VIT: variants seen among roughly 807,000 people sequenced by gnomAD.
The protein encoded by VIT is vitrin.
Under a neutral mutation model 78.0 loss-of-function variants are expected in VIT, and 99 were observed. The ratio of observed to expected loss-of-function variants is 1.27; its 90% CI spans 1.08 to 1.50. The LOEUF is 1.50. Ranked by LOEUF, VIT falls within the 40% of genes most tolerant of loss-of-function variation. The probability of loss-of-function intolerance (pLI) is 0.00; values close to 1 mark genes in which losing one functional copy is unlikely to be tolerated. For missense variants in VIT, 1,126 were observed against 875.3 expected, an observed-to-expected ratio of 1.29 and a Z score of -3.61; for synonymous variants, 374 against 334.3, an observed-to-expected ratio of 1.12 and a Z score of -1.29.
chr2:36,740,182 C>A (rs944201643), intron 3 of VIT, among the ~76,000 whole-genome samples: 1 of 152,074 alleles, frequency 6.6e-6, no homozygotes, highest in Non-Finnish European at 1.5e-5. Context: ...CCTTAACAAC[C>A]AAAGAAAGAG....
At chr2:36,781,659 T>G (rs1664764866) in intron 9 of VIT, 68 bp from the exon 10 acceptor site, 3 of 1,563,742 alleles carry the variant, frequency 1.9e-6, no homozygotes, top group African/African-American at 1.4e-5. Flanking sequence ...ATCCCGGCAA[T>G]TCACTCAAGA....
At chr2:36,708,383 T>A (rs143233985) in intron 1 of VIT, among the ~76,000 whole-genome samples, 1 of 152,334 alleles carries the variant, frequency 6.6e-6, no homozygotes, top group African/African-American at 2.4e-5. Flanking sequence ...TGCTCCCCGA[T>A]GTAGCATTGT....
chr2:36,700,570 TG>T (rs1369332882), intron 1 of VIT, among the ~76,000 whole-genome samples: 2 of 151,974 alleles, frequency 1.3e-5, no homozygotes, highest in Admixed American at 6.6e-5. Flanking sequence ...AGTGAGACCT[TG>T]TCCCTACTAA....
chr2:36,792,265 C>T (rs1034310813), intron 12 of VIT, among the ~76,000 whole-genome samples: 13 of 152,202 alleles, frequency 8.5e-5, no homozygotes, highest in African/African-American at 2.9e-4. Context: ...CACCATGCCA[C>T]TTCTCTCCTC....
chr2:36,698,972 G>T (rs6759391), intron 1 of VIT, among the ~76,000 whole-genome samples: 124,159 of 150,936 alleles, frequency 0.82, 51,930 homozygotes, highest in Middle Eastern at 0.94. Flanking sequence ...GAAAAGAAAA[G>T]AAATGTAATC....
At chr2:36,732,417 GA>G (rs1206226064) in intron 3 of VIT, among the ~76,000 whole-genome samples, 5 of 152,020 alleles carry the variant, frequency 3.3e-5, no homozygotes. Flanking sequence ...ATTAAATAGG[GA>G]AAAAAAGATA....
At chr2:36,724,384 G>C (rs527833643) in intron 2 of VIT, among the ~76,000 whole-genome samples, 3 of 152,284 alleles carry the variant, frequency 2.0e-5, no homozygotes, top group East Asian at 3.9e-4. Flanking sequence ...CTGGCTCTCA[G>C]ACCTGTCTGC....
intron 6 of VIT, among the ~76,000 whole-genome samples, chr2:36,760,187 G>T (rs1669025398): frequency 6.6e-6 from 1 of 151,886 alleles, no homozygotes; most frequent in Non-Finnish European, 1.5e-5. Flanking sequence ...TAGAGACGGG[G>T]TTTCACCATG....
chr2:36,731,379 T>G (rs889296398), intron 3 of VIT, among the ~76,000 whole-genome samples: 39 of 152,218 alleles, frequency 2.6e-4, no homozygotes, highest in African/African-American at 9.1e-4. Context: ...GTTCAAGTGA[T>G]TCTTCTGCCT....
At chr2:36,723,915 C>T (rs1027003281) in intron 2 of VIT, among the ~76,000 whole-genome samples, 10 of 132,840 alleles carry the variant, frequency 7.5e-5, no homozygotes, top group Non-Finnish European at 7.7e-5. Flanking sequence ...CATACCACTG[C>T]ATTCTAGCCT....
intron 3 of VIT, among the ~76,000 whole-genome samples, chr2:36,738,178 A>G (rs982472380): frequency 1.3e-5 from 2 of 152,184 alleles, no homozygotes; most frequent in East Asian, 3.9e-4. Flanking sequence ...GTTGTCAGCA[A>G]TCTTCAAGTT....
rs1294544946 is a variant in VIT, at chr2:36,755,006, G to A, written c.361G>A (p.Val121Ile). 1.9e-6 allele frequency: 3 copies of A among 1,614,060 alleles called. No homozygotes were observed. The highest frequency in any genetic ancestry group is 1.3e-5 in the African/African-American group (1 of 74,924). Residue 121 changes from valine to isoleucine, a missense_variant, in exon 5 of 16, where the codon GTC (valine) becomes ATC (isoleucine). Coordinates refer to ENST00000379242, the MANE Select transcript of VIT (RefSeq NM_053276.4). ...SGYKGSYSNG[V>I]QSLSLPRWRE... is the part of the protein sequence containing the mutation. Reference sequence around the variant, plus strand: ...TTACAAAGGGAGTTATTCCAACGGTGTCCAATCGTTATCCCTACCACGATG... The same window carrying A: ...TTACAAAGGGAGTTATTCCAACGGTATCCAATCGTTATCCCTACCACGATG...
chr2:36,711,307 C>A (rs535406911), intron 1 of VIT, among the ~76,000 whole-genome samples: 1 of 152,316 alleles, frequency 6.6e-6, no homozygotes, highest in African/African-American at 2.4e-5. Flanking sequence ...TCTCATACAT[C>A]TTTAACTGAT....
At chr2:36,702,919 GCT>G (rs1665156431) in intron 1 of VIT, among the ~76,000 whole-genome samples, 1 of 152,206 alleles carries the variant, frequency 6.6e-6, no homozygotes, top group Non-Finnish European at 1.5e-5. Context: ...CAACTGGTAA[GCT>G]CTGTCTGGCT....
intron 1 of VIT, among the ~76,000 whole-genome samples, chr2:36,708,365 T>C (rs17019537): frequency 0.056 from 8,589 of 152,246 alleles, 534 homozygotes; most frequent in East Asian, 0.28. Context: ...ACAAAGAGTA[T>C]GGTTGGGTGC....
chr2:36,780,777 T>C (rs1377547568), intron 9 of VIT, among the ~76,000 whole-genome samples: 1 of 151,180 alleles, frequency 6.6e-6, no homozygotes, highest in Non-Finnish European at 1.5e-5. Flanking sequence ...TTGATCATGC[T>C]CTCAACTTTC....
rs544863082 is a variant in VIT at position 36,779,224 on chromosome 2, G to C, written c.803-2503G>C. 2.6e-5 allele frequency among the ~76,000 whole-genome samples: 4 copies of C among 152,338 alleles called. No individual in the cohort carries two copies. The East Asian group carries it at 5.8e-4, about 22-fold the overall frequency. ...TGTGATAAACAGATGGTGGTTAGGG[G>C]TAGGCTTTGGAGCCTGCCCGCATGG... On this transcript the variant is annotated intron_variant, in intron 9 of 15. Transcript: ENST00000379242.
intron 4 of VIT, among the ~76,000 whole-genome samples, chr2:36,747,351 T>G (rs928960416): frequency 9.9e-5 from 15 of 152,210 alleles, no homozygotes; most frequent in African/African-American, 3.1e-4. Flanking sequence ...CAGAATTTCT[T>G]TGTCAGTTTT....
At chr2:36,700,468 G>T (rs1400251643) in intron 1 of VIT, among the ~76,000 whole-genome samples, 1 of 152,132 alleles carries the variant, frequency 6.6e-6, no homozygotes, top group East Asian at 1.9e-4. Flanking sequence ...TAGGACAGGT[G>T]TGGTGGCTCA....
Sources: allele counts gnomAD v4.1 joint callset (sites outside exome capture counted in the v4.1 genomes callset), GRCh38; gene constraint gnomAD v4.1.1; transcripts MANE v1.5; gene names NCBI Gene and HGNC (gene_info 2026-07-23, HGNC 2026-07-21).